The following LHX2 variants were observed in gnomAD, a reference collection of about 807,000 sequenced individuals.
LHX2 encodes LIM/homeobox protein Lhx2.
In LHX2, 6 loss-of-function variants were observed where a neutral mutation model predicts 33.0. The observed-to-expected ratio is 0.18, with a 90% confidence interval of 0.10 to 0.36. The LOEUF (loss-of-function observed/expected upper bound fraction) is 0.36, where lower values mean the gene tolerates loss of function less well. Ranked by LOEUF, LHX2 falls within the 10% of genes least tolerant of loss-of-function variation. The probability of loss-of-function intolerance (pLI) is 1.00; values close to 1 mark genes in which losing one functional copy is unlikely to be tolerated. For missense variants in LHX2, 442 were observed against 586.2 expected, an observed-to-expected ratio of 0.75 and a Z score of 2.54; for synonymous variants, 292 against 253.1, an observed-to-expected ratio of 1.15 and a Z score of -1.46.
rs971841125 is a variant in LHX2, at chr9:124,016,593, G to T, written c.727+1068G>T. Among the ~76,000 whole-genome samples the T allele has an allele frequency of 6.6e-6, 1 of 152,286 alleles. No homozygotes were observed. The highest frequency in any genetic ancestry group is 2.4e-5 in the African/African-American group (1 of 41,544). ...AGACTGTGCAGAGGGTGCTACGGCG[G>T]GAAGAAGTCAGTTATTTTCATCTTA... On this transcript the variant is annotated intron_variant, in intron 3 of 4. Transcript: ENST00000373615. The surrounding 1 kb of genome is among the most constrained non-coding windows in gnomAD (Gnocchi z 4.4).
intron 4 of LHX2, among the ~76,000 whole-genome samples, chr9:124,025,440 CA>C (rs71999375): frequency 0.019 from 2,012 of 104,014 alleles, 16 homozygotes; most frequent in African/African-American, 0.084. Flanking sequence ...GACTCTGTCT[CA>C]AAAAAAAAAA....
At chr9:124,023,314 AAAT>A (rs376530961) in intron 4 of LHX2, among the ~76,000 whole-genome samples, 19 of 152,134 alleles carry the variant, frequency 1.2e-4, no homozygotes, top group African/African-American at 3.9e-4. Flanking sequence ...TGTTGAGCTA[AAAT>A]AATAATAATA....
In LHX2 at chr9:124,032,839, G is replaced by GT. The variant is rs1412551967; in HGVS notation, c.*133dup. 2.2e-5 allele frequency: 24 copies of GT among 1,075,770 alleles called. No individual in the cohort carries two copies. In the African/African-American group the frequency reaches 3.4e-4, roughly 15 times the overall value. 66.6% of individuals were successfully genotyped at this position (1,075,770 alleles called of 1,614,324 possible). The stretch of plus-strand genomic sequence containing the variant: ...TTTAGGATCTCGCCTGGAAACAGAG[G>GT]TAAAAAAAAGAAGTGTGCGCCCGGC... On this transcript the variant is annotated 3_prime_UTR_variant, in exon 5 of 5. Transcript: ENST00000373615. The surrounding 1 kb of genome is among the most constrained non-coding windows in gnomAD (Gnocchi z 4.1).
At position 124,030,631 on chromosome 9, in the gene LHX2, T is replaced by C. The variant is rs141425744; in HGVS notation, c.934-1789T>C. Among the ~76,000 whole-genome samples, 155 of 54,042 alleles carry C rather than the reference T, an allele frequency of 2.9e-3. 1 individual carries two copies. The highest frequency in any genetic ancestry group is 0.017 in the Middle Eastern group (2 of 120). 35.5% of individuals were successfully genotyped at this position (54,042 alleles called of 152,430 possible). On this transcript the variant is annotated intron_variant, in intron 4 of 4. Coordinates refer to ENST00000373615, the MANE Select transcript of LHX2 (RefSeq NM_004789.4). Reference sequence around the variant, plus strand: ...GATGAATTTCATTTTTCTTTTCTTTTTTTTTTTTTTTTTTTTTTGAGATGG... The same window carrying C: ...GATGAATTTCATTTTTCTTTTCTTTCTTTTTTTTTTTTTTTTTTGAGATGG...
At chr9:124,029,221 C>T (rs1828675467) in intron 4 of LHX2, among the ~76,000 whole-genome samples, 1 of 152,180 alleles carries the variant, frequency 6.6e-6, no homozygotes, top group Non-Finnish European at 1.5e-5. Context: ...TGTGGCAGTG[C>T]ATGCTGGAGG....
chr9:124,017,271 G>T (rs968055194), intron 3 of LHX2, among the ~76,000 whole-genome samples: 1 of 152,002 alleles, frequency 6.6e-6, no homozygotes. Context: ...TTGTTCCCGT[G>T]CCCTCCTCTC....
chr9:124,021,100 G>C lies in LHX2; in HGVS notation c.729G>C (p.Ala243=). 1 of 1,613,980 alleles carries C rather than the reference G, an allele frequency of 6.2e-7. No homozygotes were observed. The highest frequency in any genetic ancestry group is 8.5e-7 in the Non-Finnish European group (1 of 1,180,014). ...ACCGGCTCTGTGTCTCCTCCCTAGCGCTAAGCTGCAACGAAAACGACGCAG... is the reference window on the plus strand; with the variant it reads ...ACCGGCTCTGTGTCTCCTCCCTAGCCCTAAGCTGCAACGAAAACGACGCAG... ...PGADLAAYNA[A]LSCNENDAEH... The change falls in exon 4 of 5, where the codon GCG becomes GCC. Residue 243 remains alanine (A), a splice_region_variant and synonymous_variant. Coordinates refer to ENST00000373615, the MANE Select transcript of LHX2 (RefSeq NM_004789.4).
chr9:124,029,982 G>A (rs995876021), intron 4 of LHX2, among the ~76,000 whole-genome samples: 2 of 152,192 alleles, frequency 1.3e-5, no homozygotes, highest in African/African-American at 4.8e-5. Flanking sequence ...CCCCACCCCA[G>A]GGAAAGCATG....
At chr9:124,026,766 G>C (rs183757465) in intron 4 of LHX2, among the ~76,000 whole-genome samples, 2 of 152,282 alleles carry the variant, frequency 1.3e-5, no homozygotes, top group African/African-American at 4.8e-5. Flanking sequence ...CTCTTGTAAA[G>C]AAATAAAATG....
In LHX2 at chr9:124,016,858, A is replaced by C. The variant is rs558718608; in HGVS notation, c.727+1333A>C. ...CATCCCTCCTCTCCTACCACCCCCC[A>C]AAAAAAGACAAAACCGAGTTCAGAC... On this transcript the variant is annotated intron_variant, in intron 3 of 4. Coordinates refer to ENST00000373615, the MANE Select transcript of LHX2 (RefSeq NM_004789.4). The surrounding 1 kb of genome is among the most constrained non-coding windows in gnomAD (Gnocchi z 4.4). 3.3e-5 allele frequency among the ~76,000 whole-genome samples: 5 copies of C among 151,756 alleles called. No homozygotes were observed. The highest frequency in any genetic ancestry group is 9.7e-5 in the African/African-American group (4 of 41,132).
intron 3 of LHX2, among the ~76,000 whole-genome samples, chr9:124,020,389 G>A (rs913887447): frequency 4.6e-5 from 7 of 152,106 alleles, no homozygotes; most frequent in African/African-American, 1.7e-4. Context: ...ATCTTACAGG[G>A]TAGCGATGAG....
At chr9:124,013,935 T>A in intron 1 of LHX2, 26 bp from the exon 2 acceptor site, 2 of 1,602,756 alleles carry the variant, frequency 1.2e-6, no homozygotes, top group African/African-American at 2.7e-5. Context: ...CAGGCGCTGC[T>A]GTCTTCCGCC....
chr9:124,020,907 C>A (rs1564550387), intron 3 of LHX2, among the ~76,000 whole-genome samples, 192 bp from the exon 4 acceptor site: 1 of 152,092 alleles, frequency 6.6e-6, no homozygotes. Flanking sequence ...GCAGTGTGAT[C>A]CTGGGTGGAT....
In LHX2 at chr9:124,015,173, G is replaced by A. The variant is rs186488928; in HGVS notation, c.375G>A (p.Ser125=). Residue 125 remains serine, a synonymous_variant, in exon 3 of 5, where the codon TCG becomes TCA. Transcript: ENST00000373615. This position sits in a 1 kb window ranked among gnomAD's most constrained non-coding sequence, Gnocchi z 7.9. ...CARCHLGISA[S]EMVMRARDLV... ...GCTGCCACCTGGGCATCTCGGCCTC[G>A]GAGATGGTGATGCGCGCTCGGGACT... The A allele has an allele frequency of 2.1e-5, 34 of 1,614,036 alleles. No individual in the cohort carries two copies. In the Admixed American group the frequency reaches 3.2e-4, roughly 15 times the overall value.
In LHX2 at chr9:124,014,233, C is replaced by T. The variant is rs1225469874; in HGVS notation, c.323+70C>T. On this transcript the variant is annotated intron_variant, in intron 2 of 4. Coordinates refer to ENST00000373615, the MANE Select transcript of LHX2 (RefSeq NM_004789.4). The surrounding 1 kb of genome is among the most constrained non-coding windows in gnomAD (Gnocchi z 4.8). ...CTCAGGCACAGTCTTACAGTTTGGC[C>T]CTCTCCTTTCCGTTTAGTCCCAGGA... The T allele has an allele frequency of 1.8e-6, 2 of 1,102,164 alleles. No homozygotes were observed. Among genetic ancestry groups the T allele is most frequent in the Non-Finnish European group, 2.7e-6 (2 of 739,232 alleles). 68.3% of individuals were successfully genotyped at this position (1,102,164 alleles called of 1,614,324 possible).
Position 124,032,190 on chromosome 9 carries a change from C to T in LHX2, c.934-230C>T, listed in dbSNP as rs905313321. 9 of 491,822 alleles carry T rather than the reference C, an allele frequency of 1.8e-5. No homozygotes were observed. The highest frequency in any genetic ancestry group is 3.2e-5 in the Non-Finnish European group (9 of 282,254). 30.5% of individuals were successfully genotyped at this position (491,822 alleles called of 1,614,324 possible). On this transcript the variant is annotated intron_variant, in intron 4 of 4. Transcript: ENST00000373615. This position sits in a 1 kb window ranked among gnomAD's most constrained non-coding sequence, Gnocchi z 4.1. ...CCAGGAGTTAGAAGCTGCAGTGAGT[C>T]GAGATTGTGTCACTGCACTTCAGCC...
chr9:124,023,314 A>AAATAAT (rs376530961), intron 4 of LHX2, among the ~76,000 whole-genome samples: 16 of 152,140 alleles, frequency 1.1e-4, no homozygotes, highest in East Asian at 3.9e-4. Context: ...TGTTGAGCTA[A>AAATAAT]AATAATAATA....
intron 4 of LHX2, among the ~76,000 whole-genome samples, chr9:124,029,317 A>G (rs1229163848): frequency 6.6e-6 from 1 of 152,148 alleles, no homozygotes; most frequent in Non-Finnish European, 1.5e-5. Flanking sequence ...AATCTCTGCC[A>G]GTCTCTGCCA....
intron 4 of LHX2, among the ~76,000 whole-genome samples, chr9:124,031,455 GA>G (rs1254858233): frequency 0.015 from 1,960 of 134,188 alleles, 37 homozygotes; most frequent in African/African-American, 0.047. Context: ...AAAGGAAAAA[GA>G]AAAAAAAAAA....
Sources: gnomAD v4.1 joint callset for allele counts (sites outside exome capture counted in the v4.1 genomes callset) on GRCh38, gnomAD v4.1.1 for gene constraint, Gnocchi (gnomAD v3.1) non-coding constraint, MANE v1.5 for transcripts, NCBI Gene and HGNC (gene_info 2026-07-23, HGNC 2026-07-21) for gene names.